The following KLF8 variants were observed in gnomAD, a reference collection of about 807,000 sequenced individuals.
The protein encoded by KLF8 is Krueppel-like factor 8.
A neutral mutation model predicts 18.2 loss-of-function variants in KLF8; 10 were observed. The ratio of observed to expected loss-of-function variants is 0.55; its 90% CI spans 0.34 to 0.93. The LOEUF (loss-of-function observed/expected upper bound fraction) is 0.93. Among genes scored for constraint, KLF8 ranks in the 40% least tolerant of loss-of-function variants. KLF8 has a pLI of 0.02. For synonymous variants in KLF8, 109 were observed against 97.3 expected, an observed-to-expected ratio of 1.12 and a Z score of -0.71; for missense variants, 264 against 277.9, an observed-to-expected ratio of 0.95 and a Z score of 0.36.
chrX:55,969,601 A>G, the KLF8 span, among the ~76,000 whole-genome samples: 1 of 111,786 alleles, frequency 8.9e-6, no homozygotes, highest in African/African-American at 3.2e-5. Flanking sequence ...AAGAGCGGAA[A>G]TACATGAAAA....
the KLF8 span, among the ~76,000 whole-genome samples, chrX:55,952,275 A>G: frequency 8.9e-6 from 1 of 112,259 alleles, no homozygotes; most frequent in South Asian, 3.7e-4. Flanking sequence ...ACAGACTCCA[A>G]TCACTTATTC....
the KLF8 span, chrX:56,014,817 G>GTTTTTTT: frequency 5.2e-4 from 31 of 59,361 alleles, 1 homozygote; most frequent in African/African-American, 6.4e-4. Flanking sequence ...ACAAGATCAT[G>GTTTTTTT]TTTTTTTTTT....
At chrX:55,986,086 A>G in the KLF8 span, among the ~76,000 whole-genome samples, 1 of 111,799 alleles carries the variant, frequency 8.9e-6, no homozygotes, top group Non-Finnish European at 1.9e-5. Flanking sequence ...ATCTGCAAAC[A>G]AAGATGATTT....
chrX:56,173,146 T>G, the KLF8 span, among the ~76,000 whole-genome samples: 1 of 111,998 alleles, frequency 8.9e-6, no homozygotes, highest in Non-Finnish European at 1.9e-5. Context: ...GCCATTGCTT[T>G]TGGTGTTTTA....
chrX:56,102,569 A>G, the KLF8 span, among the ~76,000 whole-genome samples: 1 of 111,076 alleles, frequency 9.0e-6, no homozygotes, highest in African/African-American at 3.3e-5. Flanking sequence ...TTTTAACAAT[A>G]TTGGTTCTTC....
At chrX:56,119,175 C>T in the KLF8 span, among the ~76,000 whole-genome samples, 5 of 111,489 alleles carry the variant, frequency 4.5e-5, no homozygotes, top group Non-Finnish European at 7.5e-5. Flanking sequence ...ATCTACTTCC[C>T]ACAGAGCCTT....
At chrX:56,109,061 G>T in the KLF8 span, among the ~76,000 whole-genome samples, 5 of 111,202 alleles carry the variant, frequency 4.5e-5, no homozygotes, top group Non-Finnish European at 9.4e-5. Context: ...CCTTTGTGTG[G>T]TTTTGATCTC....
At chrX:56,121,098 A>G in the KLF8 span, among the ~76,000 whole-genome samples, 21 of 104,223 alleles carry the variant, frequency 2.0e-4, no homozygotes, top group Non-Finnish European at 3.9e-4. Context: ...AGGCAGGAGA[A>G]TGGCGTGAAC....
rs1009408558 is a variant in KLF8 at position 56,257,834 on chromosome X, A to G, written c.82-7346A>G. Among the ~76,000 whole-genome samples, 2 of 112,437 alleles carry G rather than the reference A, an allele frequency of 1.8e-5. 1 individual carries two copies. The highest frequency in any genetic ancestry group is 7.3e-4 in the South Asian group (2 of 2,743). On this transcript the variant is annotated intron_variant, in intron 2 of 5. Transcript: ENST00000468660. ...GTGATGAACATATAAGTGCAGGTAT[A>G]TTTTTGGTAGAATGATTTATTTTCT... is the stretch of plus-strand genomic sequence containing the variant.
chrX:56,047,625 A>T, the KLF8 span, among the ~76,000 whole-genome samples: 2 of 111,004 alleles, frequency 1.8e-5, no homozygotes, highest in African/African-American at 6.6e-5. Context: ...AGAGTATTCC[A>T]TGGTGTATAT....
At chrX:56,243,492 G>T in intron 1 of KLF8, 1 of 124,309 alleles carries the variant, frequency 8.0e-6, no homozygotes, top group Non-Finnish European at 1.6e-5. Flanking sequence ...GGTACCTCAA[G>T]TCACTCTCCA....
chrX:56,115,929 T>G, the KLF8 span, among the ~76,000 whole-genome samples: 2 of 112,444 alleles, frequency 1.8e-5, no homozygotes, highest in African/African-American at 6.5e-5. Flanking sequence ...GCTTCAAGCA[T>G]CTATCTTTTC....
chrX:56,259,617 A>G (rs1378429817), intron 2 of KLF8, among the ~76,000 whole-genome samples: 1 of 110,431 alleles, frequency 9.1e-6, no homozygotes, highest in Non-Finnish European at 1.9e-5. Flanking sequence ...TGGAACACTA[A>G]ATTATCTGTA....
chrX:56,171,653 C>T, the KLF8 span, among the ~76,000 whole-genome samples: 1 of 111,279 alleles, frequency 9.0e-6, no homozygotes, highest in Non-Finnish European at 1.9e-5. Flanking sequence ...ATGGTTTGCT[C>T]AGAATGATGG....
At chrX:55,934,642 C>G in the KLF8 span, among the ~76,000 whole-genome samples, 8 of 112,615 alleles carry the variant, frequency 7.1e-5, no homozygotes, top group Non-Finnish European at 1.5e-4. Context: ...TCTAACTCCT[C>G]TATTTGAGAA....
the KLF8 span, among the ~76,000 whole-genome samples, chrX:56,050,968 T>C: frequency 9.1e-6 from 1 of 109,793 alleles, no homozygotes; most frequent in African/African-American, 3.3e-5. Context: ...TGGGTGCATA[T>C]ATATTTAGGA....
At chrX:56,149,883 G>A in the KLF8 span, among the ~76,000 whole-genome samples, 3 of 110,421 alleles carry the variant, frequency 2.7e-5, no homozygotes, top group Non-Finnish European at 5.7e-5. Flanking sequence ...ATTCTCTAAG[G>A]CATAAATACC....
chrX:56,213,403 C>T, the KLF8 span, among the ~76,000 whole-genome samples: 1 of 91,176 alleles, frequency 1.1e-5, no homozygotes, highest in Non-Finnish European at 2.1e-5. Flanking sequence ...CTCACTGCAA[C>T]CTCTGCCTCC....
the KLF8 span, among the ~76,000 whole-genome samples, chrX:55,969,401 C>G: frequency 9.0e-6 from 1 of 111,272 alleles, no homozygotes; most frequent in Non-Finnish European, 1.9e-5. Context: ...TTTTTTGAAA[C>G]AAGTGAAAAT....
Sources: gnomAD v4.1 joint callset for allele counts (sites outside exome capture counted in the v4.1 genomes callset) on GRCh38, gnomAD v4.1.1 for gene constraint, MANE v1.5 for transcripts, NCBI Gene and HGNC (gene_info 2026-07-23, HGNC 2026-07-21) for gene names.